CDH11: variants seen among roughly 807,000 people sequenced by gnomAD.
CDH11 encodes the protein cadherin 11.
CDH11 carries 11 observed loss-of-function variants against 67.8 expected under a neutral mutation model. That is an observed-to-expected ratio of 0.16 (90% CI 0.10 to 0.27). The LOEUF is 0.27. CDH11 is among the 10% of genes least tolerant of loss of function. The pLI, the probability that CDH11 is intolerant of heterozygous loss-of-function variation, is 1.00. For synonymous variants in CDH11, 419 were observed against 400.0 expected (o/e 1.05, Z -0.57); for missense variants, 847 against 1,031.2 (o/e 0.82, Z 2.45).
intron 7 of CDH11, chr16:64,985,494 A>AT (rs2072463510): frequency 6.6e-6 from 1 of 151,420 alleles, no homozygotes; most frequent in Non-Finnish European, 1.5e-5. Flanking sequence ...ATCATGAGTT[A>AT]TTTTTTCTGC....
At chr16:65,063,702 C>T (rs1387572041) in intron 1 of CDH11, among the ~76,000 whole-genome samples, 2 of 152,140 alleles carry the variant, frequency 1.3e-5, no homozygotes, top group Non-Finnish European at 2.9e-5. Context: ...TGTCAGTACA[C>T]ACACACACAT....
intron 2 of CDH11, among the ~76,000 whole-genome samples, chr16:65,026,251 GA>G (rs1447103037): frequency 6.6e-6 from 1 of 152,204 alleles, no homozygotes; most frequent in Non-Finnish European, 1.5e-5. Flanking sequence ...TACATTTTCA[GA>G]AAAAAATTTT....
intron 11 of CDH11, among the ~76,000 whole-genome samples, chr16:64,966,005 GA>G (rs796684150): frequency 2.7e-5 from 4 of 147,786 alleles, no homozygotes; most frequent in East Asian, 3.9e-4. Flanking sequence ...AAAGTAAAAA[GA>G]AAAAAAAAGA....
intron 11 of CDH11, among the ~76,000 whole-genome samples, chr16:64,958,956 T>A (rs929273977): frequency 2.0e-5 from 3 of 151,992 alleles, no homozygotes; most frequent in Admixed American, 2.0e-4. Flanking sequence ...AACAAACCAA[T>A]GTGAAGGAGG....
intron 7 of CDH11, 42 bp downstream of exon 7, chr16:64,988,115 A>G: frequency 6.8e-7 from 1 of 1,474,542 alleles, no homozygotes; most frequent in South Asian, 1.3e-5. Context: ...TTGGCAGAGC[A>G]GGCCATACCA....
rs369240013 is a variant in CDH11 at position 65,121,838 on chromosome 16, G to GT, written c.-298+41_-298+42insA. ...AAAATCCTGCCCCCCATTCCAAGAA[G>GT]CCCCAACCAGGCGAGAGGAAGGGAC... On this transcript the variant is annotated intron_variant, in intron 1 of 12. Coordinates refer to ENST00000268603, the MANE Select transcript of CDH11 (RefSeq NM_001797.4). This position sits in a 1 kb window ranked among gnomAD's most constrained non-coding sequence, Gnocchi z 4.1. 1.4e-6 allele frequency: 1 copy of GT among 700,850 alleles called. No individual in the cohort carries two copies. The allele number at this position is 700,850 out of a possible 1,614,324, so 43.4% of individuals were successfully genotyped here.
In CDH11 at chr16:64,945,621, T is replaced by C. The variant is rs559265185; in HGVS notation, c.*1982A>G. 317 of 1,035,740 alleles carry C rather than the reference T, an allele frequency of 3.1e-4. 1 individual carries two copies. In the African/African-American group the frequency reaches 4.7e-3, roughly 15 times the overall value. 64.2% of individuals were successfully genotyped at this position (1,035,740 alleles called of 1,614,324 possible). ...AACACAACCTGCAATTATGGAAGTA[T>C]TGAGAATGTGTAATCCTTCACTGAG... On this transcript the variant is annotated 3_prime_UTR_variant, in exon 13 of 13. Coordinates refer to ENST00000268603, the MANE Select transcript of CDH11 (RefSeq NM_001797.4).
At position 65,032,672 on chromosome 16, in the gene CDH11, C is replaced by T. The variant is rs138887306; in HGVS notation, c.-173+21132G>A. Among the ~76,000 whole-genome samples the T allele has an allele frequency of 6.6e-5, 10 of 152,196 alleles. No homozygotes were observed. The East Asian group carries it at 1.9e-3, about 29-fold the overall frequency. On this transcript the variant is annotated intron_variant, in intron 2 of 12. Coordinates refer to ENST00000268603, the MANE Select transcript of CDH11 (RefSeq NM_001797.4). ...ACTCATTATATAACAGAGGTAGTGC[C>T]TTTGCAAAAAAAGAAAATTAATTTC...
At chr16:64,981,809 G>A (rs760145583) in intron 8 of CDH11, 1 of 377,352 alleles carries the variant, frequency 2.7e-6, no homozygotes, top group Non-Finnish European at 4.7e-6. Context: ...CACCTAGTAT[G>A]CCTGGGGGAA....
chr16:65,032,042 T>C (rs1435813219), intron 2 of CDH11, among the ~76,000 whole-genome samples: 1 of 152,074 alleles, frequency 6.6e-6, no homozygotes, highest in African/African-American at 2.4e-5. Flanking sequence ...TTCTGTCCCA[T>C]CATCGAGAGT....
chr16:65,018,196 T>G (rs1463784687), intron 2 of CDH11, among the ~76,000 whole-genome samples: 2 of 152,198 alleles, frequency 1.3e-5, no homozygotes, highest in African/African-American at 2.4e-5. Flanking sequence ...GGGCTTCTGG[T>G]CCTGTCAGAA....
chr16:64,977,334 G>A (rs2072198453), intron 8 of CDH11, among the ~76,000 whole-genome samples: 1 of 152,204 alleles, frequency 6.6e-6, no homozygotes, highest in Admixed American at 6.5e-5. Flanking sequence ...TATAGACATG[G>A]AAATTGCCTA....
At chr16:65,054,035 A>G (rs2074101743) in intron 1 of CDH11, 107 bp from the exon 2 acceptor site, 1 of 391,820 alleles carries the variant, frequency 2.6e-6, no homozygotes, top group Non-Finnish European at 5.2e-6. Context: ...TTAGAAGATG[A>G]CAATCCAGGT....
intron 1 of CDH11, among the ~76,000 whole-genome samples, chr16:65,079,793 G>A (rs1472250174): frequency 3.9e-5 from 6 of 151,990 alleles, no homozygotes; most frequent in South Asian, 2.1e-4. Flanking sequence ...TTGTCTAACC[G>A]GGCAAATTAT....
rs199500497 is a variant in CDH11 at position 64,988,744 on chromosome 16, G to A, written c.812-400C>T. 3.4e-3 allele frequency among the ~76,000 whole-genome samples: 513 copies of A among 152,054 alleles called. 2 individuals carry two copies. Among genetic ancestry groups the A allele is most frequent in the African/African-American group, 0.012 (494 of 41,480 alleles). On this transcript the variant is annotated intron_variant, in intron 6 of 12. Coordinates refer to ENST00000268603, the MANE Select transcript of CDH11 (RefSeq NM_001797.4). ...CTCCAAGGCTCACTTATGGTATTGC[G>A]AAGAGCCCAGAAAAAAAAAATTCTC...
At chr16:65,014,383 G>A (rs752654011) in intron 2 of CDH11, among the ~76,000 whole-genome samples, 36 of 151,974 alleles carry the variant, frequency 2.4e-4, no homozygotes, top group Non-Finnish European at 4.4e-4. Context: ...CCCCAAAATC[G>A]TATCATTTTA....
intron 3 of CDH11, among the ~76,000 whole-genome samples, chr16:65,002,698 AAG>A (rs1402114017): frequency 6.6e-6 from 1 of 152,176 alleles, no homozygotes; most frequent in Non-Finnish European, 1.5e-5. Flanking sequence ...TCTCATGTAA[AAG>A]AACAATTAAG....
chr16:64,984,548 A>C (rs1335902139), intron 7 of CDH11: 1 of 152,214 alleles, frequency 6.6e-6, no homozygotes, highest in African/African-American at 2.4e-5. Flanking sequence ...AATACCCCGT[A>C]GTTTACTAAT....
Position 65,090,672 on chromosome 16 carries a change from T to G in CDH11, c.-298+31208A>C, listed in dbSNP as rs550260224. Among the ~76,000 whole-genome samples, 3 of 152,370 alleles carry G rather than the reference T, an allele frequency of 2.0e-5. No individual in the cohort carries two copies. In the South Asian group the frequency reaches 6.2e-4, roughly 32 times the overall value. ...AAATAAGGTTTTCCCAACTCACATA[T>G]GCTTTCTATTCTTACTTCATTTAAT... On this transcript the variant is annotated intron_variant, in intron 1 of 12. Transcript: ENST00000268603.
Sources: gnomAD v4.1 joint callset for allele counts (sites outside exome capture counted in the v4.1 genomes callset) on GRCh38, gnomAD v4.1.1 for gene constraint, Gnocchi (gnomAD v3.1) non-coding constraint, MANE v1.5 for transcripts, NCBI Gene and HGNC (gene_info 2026-07-23, HGNC 2026-07-21) for gene names.